The following ADGRB3 variants were observed in gnomAD, a reference collection of about 807,000 sequenced individuals.
The protein encoded by ADGRB3 is adhesion G protein-coupled receptor B3, also known as brain-specific angiogenesis inhibitor 3.
A neutral mutation model predicts 193.4 loss-of-function variants in ADGRB3; 37 were observed. The observed-to-expected ratio is 0.19, with a 90% CI of 0.15 to 0.25. The LOEUF is 0.25. Ranked by LOEUF, ADGRB3 falls within the 10% of genes least tolerant of loss-of-function variation. The pLI is 1.00. For synonymous variants in ADGRB3, 690 were observed against 644.2 expected (o/e 1.07, Z -1.08); for missense variants, 1,637 against 1,852.9 (o/e 0.88, Z 2.14).
At chr6:68,655,304 G>GT (rs375875409) in intron 3 of ADGRB3, among the ~76,000 whole-genome samples, 151 of 151,422 alleles carry the variant, frequency 1.0e-3, no homozygotes, top group African/African-American at 3.5e-3. Flanking sequence ...GTTTTGTTTC[G>GT]TTTTTTTGTT....
At chr6:69,070,941 G>T (rs1772060713) in intron 16 of ADGRB3, among the ~76,000 whole-genome samples, 3 of 152,142 alleles carry the variant, frequency 2.0e-5, no homozygotes, top group Admixed American at 2.0e-4. Context: ...AGATAATCTT[G>T]CTGATGAAGC....
At chr6:69,325,302 C>T (rs1023802734) in intron 21 of ADGRB3, among the ~76,000 whole-genome samples, 4 of 151,898 alleles carry the variant, frequency 2.6e-5, no homozygotes, top group African/African-American at 9.7e-5. Context: ...AAACAGTGCT[C>T]TCTGTTAATA....
intron 6 of ADGRB3, among the ~76,000 whole-genome samples, chr6:68,945,990 A>G (rs906455217): frequency 4.6e-5 from 7 of 152,074 alleles, no homozygotes; most frequent in Non-Finnish European, 8.8e-5. Flanking sequence ...CATTATGACT[A>G]TATTATTTGT....
intron 3 of ADGRB3, among the ~76,000 whole-genome samples, chr6:68,902,765 A>C (rs1766433880): frequency 6.6e-6 from 1 of 152,084 alleles, no homozygotes; most frequent in South Asian, 2.1e-4. Context: ...TTACCTAATG[A>C]TCTTGACACT....
intron 17 of ADGRB3, among the ~76,000 whole-genome samples, chr6:69,127,902 T>TTTG (rs141227877): frequency 3.2e-3 from 201 of 62,856 alleles, no homozygotes; most frequent in African/African-American, 8.7e-3. Context: ...ATAGTTTTTT[T>TTTG]TTTGTTTTTT....
chr6:69,221,680 T>C (rs903193220), intron 17 of ADGRB3, among the ~76,000 whole-genome samples: 1 of 152,160 alleles, frequency 6.6e-6, no homozygotes, highest in Non-Finnish European at 1.5e-5. Context: ...TTGTGGAATT[T>C]CGTATATGGT....
chr6:69,200,128 A>AT (rs770746533), intron 17 of ADGRB3, among the ~76,000 whole-genome samples: 10 of 147,686 alleles, frequency 6.8e-5, no homozygotes, highest in Non-Finnish European at 1.4e-4. Context: ...TAAAGTTTTA[A>AT]TTAAAAAAAA....
At chr6:69,329,821 G>C (rs978451922) in intron 22 of ADGRB3, among the ~76,000 whole-genome samples, 2 of 152,118 alleles carry the variant, frequency 1.3e-5, no homozygotes, top group Non-Finnish European at 2.9e-5. Context: ...ATTTCCCTCT[G>C]CTGTGAGAGA....
chr6:68,877,503 C>A (rs1259173564), intron 3 of ADGRB3, among the ~76,000 whole-genome samples: 3 of 152,022 alleles, frequency 2.0e-5, no homozygotes, highest in Non-Finnish European at 2.9e-5. Context: ...AAAAGTCCAT[C>A]ATTTGCATGG....
intron 5 of ADGRB3, among the ~76,000 whole-genome samples, chr6:68,938,147 A>G (rs1767531735): frequency 6.6e-6 from 1 of 152,140 alleles, no homozygotes; most frequent in Admixed American, 6.6e-5. Flanking sequence ...AATAATTGCC[A>G]CTAAGAACAA....
intron 3 of ADGRB3, among the ~76,000 whole-genome samples, chr6:68,766,047 G>A (rs578052594): frequency 4.6e-5 from 7 of 151,932 alleles, no homozygotes; most frequent in Non-Finnish European, 5.9e-5. Flanking sequence ...CGTATCATGC[G>A]TGGATGTATT....
intron 20 of ADGRB3, among the ~76,000 whole-genome samples, chr6:69,291,201 A>G (rs1004143793): frequency 1.3e-5 from 2 of 152,158 alleles, no homozygotes; most frequent in Admixed American, 6.5e-5. Flanking sequence ...CCACCTTCAT[A>G]TAATTCTCGG....
At chr6:69,006,843 T>G (rs1380019362) in intron 11 of ADGRB3, among the ~76,000 whole-genome samples, 1 of 152,138 alleles carries the variant, frequency 6.6e-6, no homozygotes, top group Non-Finnish European at 1.5e-5. Flanking sequence ...GTCATCTTTT[T>G]TTTATTTATT....
chr6:69,333,017 C>T lies in ADGRB3; in HGVS notation c.3188+9C>T. 6.2e-7 allele frequency: 1 copy of T among 1,612,300 alleles called. No homozygotes were observed. The highest frequency in any genetic ancestry group is 8.5e-7 in the Non-Finnish European group (1 of 1,178,846). On this transcript the variant is annotated intron_variant, in intron 24 of 31. Transcript: ENST00000370598. Reference sequence around the variant, plus strand: ...CTCAAACACAGAGCCGGGTAAGCTGCAATTGGTGGATTTTGAAGGTTATTT... The same window carrying T: ...CTCAAACACAGAGCCGGGTAAGCTGTAATTGGTGGATTTTGAAGGTTATTT...
At chr6:69,042,304 G>A (rs990715951) in intron 13 of ADGRB3, among the ~76,000 whole-genome samples, 2 of 152,104 alleles carry the variant, frequency 1.3e-5, no homozygotes, top group African/African-American at 4.8e-5. Context: ...CTAAGATATC[G>A]TGTGTAAAGC....
chr6:69,383,039 A>C, intron 31 of ADGRB3, 104 bp downstream of exon 31: 1 of 646,264 alleles, frequency 1.5e-6, no homozygotes, highest in South Asian at 3.4e-5. Context: ...ATGAGTCTAC[A>C]TAGAAAAAAA....
intron 3 of ADGRB3, among the ~76,000 whole-genome samples, chr6:68,881,511 C>T (rs972192880): frequency 1.1e-4 from 16 of 152,118 alleles, no homozygotes; most frequent in African/African-American, 3.9e-4. Flanking sequence ...ACACGGATGA[C>T]TAAGACACAT....
chr6:68,741,419 C>T (rs560588451), intron 3 of ADGRB3, among the ~76,000 whole-genome samples: 2 of 152,010 alleles, frequency 1.3e-5, no homozygotes, highest in South Asian at 4.2e-4. Context: ...GCTCTGTTGC[C>T]CAGGCTGGAG....
At chr6:68,972,948 G>A (rs1318570468) in intron 8 of ADGRB3, among the ~76,000 whole-genome samples, 1 of 152,104 alleles carries the variant, frequency 6.6e-6, no homozygotes, top group African/African-American at 2.4e-5. Context: ...GAGGTTTGTT[G>A]GTAGATCATT....
Sources: allele counts gnomAD v4.1 joint callset (sites outside exome capture counted in the v4.1 genomes callset), GRCh38; gene constraint gnomAD v4.1.1; transcripts MANE v1.5; gene names NCBI Gene and HGNC (gene_info 2026-07-23, HGNC 2026-07-21).